ITGA4: variants seen among roughly 807,000 people sequenced by gnomAD.
ITGA4 encodes integrin alpha-4.
A neutral mutation model predicts 133.6 loss-of-function variants in ITGA4; 63 were observed. The observed-to-expected ratio is 0.47, with a 90% confidence interval of 0.38 to 0.58. ITGA4 has a LOEUF of 0.58. ITGA4 is among the 20% of genes least tolerant of loss of function. The probability of loss-of-function intolerance (pLI) is 0.00; values close to 1 mark genes in which losing one functional copy is unlikely to be tolerated. For synonymous variants in ITGA4, 483 were observed against 438.0 expected, an observed-to-expected ratio of 1.10 and a Z score of -1.28; for missense variants, 1,076 against 1,252.7, an observed-to-expected ratio of 0.86 and a Z score of 2.13.
At position 181,495,813 on chromosome 2, in the gene ITGA4, T is replaced by C. The variant is rs1480850613; in HGVS notation, c.1416T>C (p.Ser472=). The C allele has an allele frequency of 6.2e-7, 1 of 1,613,994 alleles. No homozygotes were observed. Among genetic ancestry groups the C allele is most frequent in the Non-Finnish European group, 8.5e-7 (1 of 1,179,888 alleles). The change falls in exon 14 of 28, where the codon TCT becomes TCC. Residue 472 remains serine, a synonymous_variant. Coordinates refer to ENST00000397033, the MANE Select transcript of ITGA4 (RefSeq NM_000885.6). The surrounding 1 kb of genome is among the most constrained non-coding windows in gnomAD (Gnocchi z 4.3). The part of the protein sequence containing the change: ...RTRPVVIVDA[S]LSHPESVNRT... ...GACCTGTAGTAATTGTTGACGCTTC[T>C]TTAAGCCACCCTGAGTCAGTAAATA...
At position 181,457,581 on chromosome 2, in the gene ITGA4, T is replaced by C. The variant is rs1035561344; in HGVS notation, c.-74T>C. ...TCATCTCTTGGGGCGTTCTTCCCCG[T>C]TGGCCAACCGTCGCATCCCGTGCAA... On this transcript the variant is annotated 5_prime_UTR_variant, in exon 1 of 28. Transcript: ENST00000397033. 2.2e-6 allele frequency: 3 copies of C among 1,384,598 alleles called. No individual in the cohort carries two copies. The highest frequency in any genetic ancestry group is 1.4e-5 in the African/African-American group (1 of 69,606). 85.8% of individuals were successfully genotyped at this position (1,384,598 alleles called of 1,614,324 possible).
intron 18 of ITGA4, 25 bp downstream of exon 18, chr2:181,522,366 A>G (rs1409300864): frequency 2.0e-6 from 3 of 1,504,620 alleles, no homozygotes; most frequent in South Asian, 2.5e-5. Flanking sequence ...CCACAATAGC[A>G]TGATACTACT....
rs140064635 is a variant in ITGA4, at chr2:181,498,903, G to A, written c.1695+126G>A. The A allele has an allele frequency of 1.5e-4, 205 of 1,344,100 alleles. No individual in the cohort carries two copies. The African/African-American group carries it at 2.8e-3, about 19-fold the overall frequency. 83.3% of individuals were successfully genotyped at this position (1,344,100 alleles called of 1,614,324 possible). The stretch of plus-strand genomic sequence containing the variant: ...GCAACTGTTACCCCTCCTGAACTAT[G>A]ACCTGTTGCTCCAGTTAAGGTATGA... On this transcript the variant is annotated intron_variant, in intron 15 of 27. Coordinates refer to ENST00000397033, the MANE Select transcript of ITGA4 (RefSeq NM_000885.6).
intron 10 of ITGA4, among the ~76,000 whole-genome samples, chr2:181,490,604 T>G (rs544730997): frequency 3.3e-5 from 5 of 152,058 alleles, no homozygotes; most frequent in African/African-American, 1.2e-4. Flanking sequence ...GTATGACCTC[T>G]GTTGTTAATG....
chr2:181,459,960 G>A (rs917674173), intron 2 of ITGA4, among the ~76,000 whole-genome samples: 1 of 151,836 alleles, frequency 6.6e-6, no homozygotes, highest in Admixed American at 6.6e-5. Context: ...GATAATGCCT[G>A]TCAATGGAAG....
At chr2:181,492,508 A>G (rs1457087789) in intron 10 of ITGA4, among the ~76,000 whole-genome samples, 1 of 151,976 alleles carries the variant, frequency 6.6e-6, no homozygotes, top group Non-Finnish European at 1.5e-5. Flanking sequence ...ATATATGCAT[A>G]AATAGACAAT....
At position 181,485,855 on chromosome 2, in the gene ITGA4, C is replaced by T. The variant is rs200419160; in HGVS notation, c.1042-26C>T. On this transcript the variant is annotated intron_variant, in intron 9 of 27. Transcript: ENST00000397033. ...AAGTTGTCAGGGAGTGTTATAATGA[C>T]ACGTTTTCTCTCCCTTTCTATCTAG... 145 of 1,557,158 alleles carry T rather than the reference C, an allele frequency of 9.3e-5. No homozygotes were observed. In the African/African-American group the frequency reaches 1.9e-3, roughly 20 times the overall value.
rs1479742657 is a variant in ITGA4, at chr2:181,516,775, T to G, written c.1922+5000T>G. On this transcript the variant is annotated intron_variant, in intron 17 of 27. Coordinates refer to ENST00000397033, the MANE Select transcript of ITGA4 (RefSeq NM_000885.6). The surrounding 1 kb of genome is among the most constrained non-coding windows in gnomAD (Gnocchi z 4.0). ...AATAATCTAGGGCTCTGTTGGCAGC[T>G]AAGAAGGGAAATCACTGTTGGCTAG... Among the ~76,000 whole-genome samples, 4 of 152,010 alleles carry G rather than the reference T, an allele frequency of 2.6e-5. No homozygotes were observed. The highest frequency in any genetic ancestry group is 4.1e-4 in the South Asian group (2 of 4,830).
At chr2:181,464,398 ATTAC>A (rs1685363158) in intron 2 of ITGA4, among the ~76,000 whole-genome samples, 1 of 152,178 alleles carries the variant, frequency 6.6e-6, no homozygotes, top group Admixed American at 6.5e-5. Context: ...CATTTTATTG[ATTAC>A]TTATGTATTG....
rs200709538 is a variant in ITGA4, at chr2:181,458,207, G to C, written c.209G>C (p.Gly70Ala). The change falls in exon 2 of 28, where the codon GGT becomes GCT. Residue 70 changes from glycine (G) to alanine (A), a missense_variant. By Grantham distance (60) the Gly-to-Ala change is moderately conservative. Transcript: ENST00000397033. ...SHGANRWLLV[G>A]APTANWLANA... ...GTGTCTCGCTTTAGGCTCCTAGTGG[G>C]TGCGCCCACTGCCAACTGGCTCGCC... 1.9e-6 allele frequency: 3 copies of C among 1,614,022 alleles called. No individual in the cohort carries two copies. Among genetic ancestry groups the C allele is most frequent in the Non-Finnish European group, 2.5e-6 (3 of 1,179,948 alleles).
Position 181,538,716 on chromosome 2 carries a change from A to AGAT in ITGA4, c.*3191_*3193dup, listed in dbSNP as rs1238076446. On this transcript the variant is annotated 3_prime_UTR_variant, in exon 28 of 28. Transcript: ENST00000397033. The stretch of plus-strand genomic sequence containing the variant: ...AGTAATTATGAGTGAGAGGAAACTA[A>AGAT]GATGGAAGGATAAAAATCTAACACT... 6.6e-6 allele frequency among the ~76,000 whole-genome samples: 1 copy of AGAT among 152,178 alleles called. No individual in the cohort carries two copies. Among genetic ancestry groups the AGAT allele is most frequent in the East Asian group, 1.9e-4 (1 of 5,194 alleles).
chr2:181,476,107 A>G, intron 4 of ITGA4: 1 of 349,914 alleles, frequency 2.9e-6, no homozygotes, highest in Non-Finnish European at 5.1e-6. Context: ...TTGGAATGTG[A>G]TGTCACAGAG....
intron 24 of ITGA4, 28 bp downstream of exon 24, chr2:181,530,677 TC>T (rs781267219): frequency 6.3e-7 from 1 of 1,598,350 alleles, no homozygotes; most frequent in African/African-American, 1.3e-5. Context: ...AGGTTGTAGT[TC>T]CTGCTTTCCA....
rs546461010 is a variant in ITGA4, at chr2:181,480,524, G to A, written c.754+258G>A. On this transcript the variant is annotated intron_variant, in intron 6 of 27. Coordinates refer to ENST00000397033, the MANE Select transcript of ITGA4 (RefSeq NM_000885.6). The stretch of plus-strand genomic sequence containing the variant: ...CTCCTAGTTTAGTTTACTCTTTGTA[G>A]TTCACTTTAGGAAACACTAGTAAGT... Among the ~76,000 whole-genome samples, 3 of 152,140 alleles carry A rather than the reference G, an allele frequency of 2.0e-5. No homozygotes were observed. In the East Asian group the frequency reaches 5.8e-4, roughly 29 times the overall value.
intron 22 of ITGA4, among the ~76,000 whole-genome samples, chr2:181,528,423 TA>T (rs1387933534): frequency 6.6e-6 from 1 of 152,268 alleles, no homozygotes; most frequent in Non-Finnish European, 1.5e-5. Context: ...AATTAATAGT[TA>T]AAAAGTATTT....
chr2:181,479,797 T>C (rs528136562), intron 5 of ITGA4: 98 of 157,036 alleles, frequency 6.2e-4, no homozygotes, highest in Middle Eastern at 3.2e-3. Flanking sequence ...TTAGCACTAA[T>C]GAATTACCCA....
Position 181,530,649 on chromosome 2 carries a change from G to A in ITGA4, c.2664G>A (p.Leu888=). ...RFLSKTDKRL[L]YCIKADPHCL... ...TGTCCAAGACTGATAAGAGGCTATT[G>A]GTAAGTTTCAGTTTTTCAGGTTGTA... The change falls in exon 24 of 28, where the codon TTG becomes TTA. Residue 888 remains leucine, a splice_region_variant and synonymous_variant. Transcript: ENST00000397033. 4 of 1,608,444 alleles carry A rather than the reference G, an allele frequency of 2.5e-6. No homozygotes were observed. Among genetic ancestry groups the A allele is most frequent in the Non-Finnish European group, 3.4e-6 (4 of 1,176,972 alleles).
intron 24 of ITGA4, 109 bp downstream of exon 24, chr2:181,530,758 CA>C: frequency 2.0e-6 from 2 of 989,988 alleles, no homozygotes. Flanking sequence ...AGAGAGAAGA[CA>C]AGTTTAGGTA....
intron 2 of ITGA4, among the ~76,000 whole-genome samples, chr2:181,466,566 A>G (rs2105716884): frequency 2.6e-5 from 4 of 152,212 alleles, no homozygotes; most frequent in Middle Eastern, 6.8e-3. Flanking sequence ...ATCACCTCTA[A>G]AACCCAAGGA....
Sources: allele counts gnomAD v4.1 joint callset (sites outside exome capture counted in the v4.1 genomes callset), GRCh38; gene constraint gnomAD v4.1.1; non-coding constraint Gnocchi (gnomAD v3.1); transcripts MANE v1.5; gene names NCBI Gene and HGNC (gene_info 2026-07-23, HGNC 2026-07-21).